The following COL4A1 variants were observed in gnomAD, a reference collection of about 807,000 sequenced individuals.
COL4A1 encodes the protein collagen type IV alpha 1 chain.
Under a neutral mutation model 216.6 loss-of-function variants are expected in COL4A1, and 40 were observed. That is an observed-to-expected ratio of 0.18 (90% confidence interval 0.14 to 0.24). The LOEUF (loss-of-function observed/expected upper bound fraction) is 0.24. Ranked by LOEUF, COL4A1 falls within the 10% of genes least tolerant of loss-of-function variation. The pLI is 1.00. For missense variants in COL4A1, 1,628 were observed against 2,196.8 expected (o/e 0.74, Z 5.18); for synonymous variants, 839 against 810.7 (o/e 1.03, Z -0.59).
intron 24 of COL4A1, chr13:110,191,497 T>C (rs1388701097): frequency 2.1e-6 from 1 of 473,638 alleles, no homozygotes; most frequent in Non-Finnish European, 3.7e-6. Context: ...AAGAAAATAA[T>C]GTCCTTCAAA....
At chr13:110,258,668 AATG>A (rs1032910620) in intron 1 of COL4A1, among the ~76,000 whole-genome samples, 4 of 152,242 alleles carry the variant, frequency 2.6e-5, no homozygotes, top group African/African-American at 9.6e-5. Flanking sequence ...AGGTGATATA[AATG>A]ATAATTTAAT....
At chr13:110,286,540 G>A (rs1883850952) in intron 1 of COL4A1, among the ~76,000 whole-genome samples, 1 of 152,164 alleles carries the variant, frequency 6.6e-6, no homozygotes. Context: ...CCAGGAAAAT[G>A]GGGCTGAGGC....
At chr13:110,209,808 G>T in intron 10 of COL4A1, 172 bp downstream of exon 10, 1 of 824,788 alleles carries the variant, frequency 1.2e-6, no homozygotes, top group Non-Finnish European at 2.1e-6. Context: ...CTGGGTATAT[G>T]GGTACCGGGA....
In COL4A1 at chr13:110,212,465, T is replaced by C; in HGVS notation, c.339A>G (p.Gln113=). 1 of 1,614,208 alleles carries C rather than the reference T, an allele frequency of 6.2e-7. No individual in the cohort carries two copies. The highest frequency in any genetic ancestry group is 8.5e-7 in the Non-Finnish European group (1 of 1,180,050). ...GNPGLPGIPG[Q]DGPPGPPGIP... ...TACCTGGGGGGCCTGGCGGGCCGTC[T>C]TGGCCAGGAATTCCCTGCAATGAAG... The change falls in exon 6 of 52, where the codon CAA becomes CAG. Residue 113 remains glutamine (Q), a synonymous_variant. Transcript: ENST00000375820.
rs1305854807 is a variant in COL4A1 at position 110,211,871 on chromosome 13, G to A, written c.439C>T (p.Pro147Ser). The change falls in exon 7 of 52, where the codon CCC becomes TCC. Residue 147 changes from proline (P) to serine (S), a missense_variant and splice_region_variant. By Grantham distance (74) the Pro-to-Ser change is moderately conservative. Around this residue, in one of 8 missense-constraint regions of COL4A1, gnomAD observed 150 missense variants for 211.9 expected, o/e 0.71. Transcript: ENST00000375820. This position sits in a 1 kb window ranked among gnomAD's most constrained non-coding sequence, Gnocchi z 4.3. ...TGCCCTAAATAACCTCTACTCACGG[G>A]ATTTCCAGCGAAACCAGGCAAGCCA... Reference protein sequence around the residue: ...PPGLPGFAGNPGPPGLPGMKG... With the variant: ...PPGLPGFAGNSGPPGLPGMKG... The A allele has an allele frequency of 6.2e-7, 1 of 1,614,118 alleles. No homozygotes were observed. The highest frequency in any genetic ancestry group is 2.2e-5 in the East Asian group (1 of 44,870).
At chr13:110,265,424 C>G (rs143149931) in intron 1 of COL4A1, 1 of 152,260 alleles carries the variant, frequency 6.6e-6, no homozygotes, top group African/African-American at 2.4e-5. Flanking sequence ...TAAACTACAG[C>G]TGTGTGCAGT....
chr13:110,276,057 T>C (rs1269239326), intron 1 of COL4A1, among the ~76,000 whole-genome samples: 2 of 612 alleles, frequency 3.3e-3, no homozygotes, highest in Non-Finnish European at 9.1e-3. Flanking sequence ...GCATGAACTA[T>C]GGACGGGGGA....
chr13:110,169,446 T>A (rs1877499780), intron 43 of COL4A1, among the ~76,000 whole-genome samples, 183 bp downstream of exon 43: 1 of 117,936 alleles, frequency 8.5e-6, no homozygotes. Context: ...AAGATGTGGG[T>A]TACTGGCAAG....
chr13:110,273,508 C>T (rs1233640109), intron 1 of COL4A1, among the ~76,000 whole-genome samples: 4 of 152,158 alleles, frequency 2.6e-5, no homozygotes, highest in Admixed American at 6.5e-5. Flanking sequence ...TTCAGACAGC[C>T]GAGCTCGCTC....
At chr13:110,286,077 A>G (rs1883834076) in intron 1 of COL4A1, among the ~76,000 whole-genome samples, 1 of 152,150 alleles carries the variant, frequency 6.6e-6, no homozygotes. Context: ...ATGAGTCTGG[A>G]GAGGCCTGGA....
At chr13:110,285,561 G>A (rs1448738938) in intron 1 of COL4A1, among the ~76,000 whole-genome samples, 1 of 152,186 alleles carries the variant, frequency 6.6e-6, no homozygotes, top group Non-Finnish European at 1.5e-5. Flanking sequence ...CGGTATTTCT[G>A]GGTGGGTCTG....
chr13:110,295,407 C>A (rs1470052076), intron 1 of COL4A1, among the ~76,000 whole-genome samples: 1 of 139,492 alleles, frequency 7.2e-6, no homozygotes, highest in Admixed American at 7.3e-5. Context: ...ACAAAATATT[C>A]TTGTAGTTCA....
chr13:110,193,399 C>T (rs1473198113), intron 22 of COL4A1, among the ~76,000 whole-genome samples: 2 of 152,174 alleles, frequency 1.3e-5, no homozygotes, highest in Admixed American at 1.3e-4. Context: ...CATATGTGAT[C>T]CAGGACAGAA....
rs751501177 is a variant in COL4A1 at position 110,222,771 on chromosome 13, T to TAAAAAAAAAAAAAAAAAAA, written c.145-8757_145-8756insTTTTTTTTTTTTTTTTTTT. On this transcript the variant is annotated intron_variant, in intron 2 of 51. Transcript: ENST00000375820. The stretch of plus-strand genomic sequence containing the variant: ...CTGGGCGACAGAGCCAGACTCTGCT[T>TAAAAAAAAAAAAAAAAAAA]TAAAAAAAAAAAAAAAAAAAAAAAA... Among the ~76,000 whole-genome samples, 4 of 93,408 alleles carry TAAAAAAAAAAAAAAAAAAA rather than the reference T, an allele frequency of 4.3e-5. 1 individual carries two copies. The highest frequency in any genetic ancestry group is 3.4e-4 in the East Asian group (1 of 2,940). 61.3% of individuals were successfully genotyped at this position (93,408 alleles called of 152,430 possible). A position where few individuals can be genotyped will look rare whatever the true frequency, so the allele number is the denominator to read the frequency against.
intron 39 of COL4A1, 93 bp downstream of exon 39, chr13:110,174,353 C>G: frequency 7.2e-7 from 1 of 1,391,788 alleles, no homozygotes; most frequent in Non-Finnish European, 1.0e-6. Flanking sequence ...GGCCTCCCTG[C>G]TCCCCGTCTG....
At chr13:110,201,367 G>C (rs776550703) in intron 19 of COL4A1, 71 bp downstream of exon 19, 4 of 1,060,370 alleles carry the variant, frequency 3.8e-6, no homozygotes, top group Non-Finnish European at 5.4e-6. Flanking sequence ...GGAAGAGGAC[G>C]AGGAGGAGGA....
chr13:110,267,093 A>T (rs1287931613), intron 1 of COL4A1, among the ~76,000 whole-genome samples: 1 of 152,198 alleles, frequency 6.6e-6, no homozygotes, highest in Non-Finnish European at 1.5e-5. Flanking sequence ...ATCACAAAGG[A>T]AACCCACAGC....
At chr13:110,252,766 A>G (rs1395702685) in intron 1 of COL4A1, among the ~76,000 whole-genome samples, 1 of 143,310 alleles carries the variant, frequency 7.0e-6, no homozygotes, top group Admixed American at 7.1e-5. Flanking sequence ...ATATGTATGT[A>G]TCATATAAAC....
chr13:110,197,021 C>G (rs1304293282), intron 21 of COL4A1, among the ~76,000 whole-genome samples: 21 of 152,148 alleles, frequency 1.4e-4, no homozygotes. Flanking sequence ...ATGTGCTCAG[C>G]TAACACATCC....
Sources: gnomAD v4.1 joint callset for allele counts (sites outside exome capture counted in the v4.1 genomes callset) on GRCh38, gnomAD v4.1.1 for gene constraint, gnomAD v4.1.1 regional missense constraint, Gnocchi (gnomAD v3.1) non-coding constraint, MANE v1.5 for transcripts, NCBI Gene and HGNC (gene_info 2026-07-23, HGNC 2026-07-21) for gene names.